Variants in FHIT observed in about 807,000 individuals in gnomAD.
FHIT encodes fragile histidine triad diadenosine triphosphatase, also known as bis(5'-adenosyl)-triphosphatase.
In FHIT, 19 loss-of-function variants were observed where a neutral mutation model predicts 17.9. The observed-to-expected ratio is 1.06, with a 90% CI of 0.74 to 1.56. The LOEUF (loss-of-function observed/expected upper bound fraction) is 1.56. Among genes scored for constraint, FHIT ranks in the 40% most tolerant of loss-of-function variants. The pLI is 0.00. For missense variants in FHIT, 248 were observed against 189.2 expected (o/e 1.31, Z -1.82); for synonymous variants, 81 against 69.7 (o/e 1.16, Z -0.81).
At chr3:60,992,426 G>T (rs982097118) in intron 3 of FHIT, among the ~76,000 whole-genome samples, 4 of 152,296 alleles carry the variant, frequency 2.6e-5, no homozygotes, top group African/African-American at 9.6e-5. Context: ...TATTTCAGGG[G>T]ATCAGAAAGT....
chr3:60,923,003 T>C (rs1006163112), intron 3 of FHIT, among the ~76,000 whole-genome samples: 1 of 152,214 alleles, frequency 6.6e-6, no homozygotes, highest in African/African-American at 2.4e-5. Flanking sequence ...GCAGTAAACA[T>C]CTTGCTTCAT....
At chr3:60,832,744 G>C (rs924493817) in intron 3 of FHIT, among the ~76,000 whole-genome samples, 7 of 150,072 alleles carry the variant, frequency 4.7e-5, no homozygotes, top group African/African-American at 1.7e-4. Context: ...TTTTCAATCT[G>C]GAAGAAATTC....
chr3:59,843,929 ACT>A (rs892531351), intron 8 of FHIT, among the ~76,000 whole-genome samples: 7 of 152,030 alleles, frequency 4.6e-5, no homozygotes, highest in Admixed American at 4.6e-4. Context: ...TGGAAGCAGA[ACT>A]CTAATGGCTT....
At chr3:61,112,306 T>C (rs1367919629) in intron 2 of FHIT, among the ~76,000 whole-genome samples, 1 of 151,458 alleles carries the variant, frequency 6.6e-6, no homozygotes, top group Non-Finnish European at 1.5e-5. Context: ...CCTGGGAATA[T>C]GGGTATAACT....
intron 4 of FHIT, among the ~76,000 whole-genome samples, chr3:60,556,378 G>A (rs1223399424): frequency 6.6e-6 from 1 of 152,188 alleles, no homozygotes; most frequent in Non-Finnish European, 1.5e-5. Flanking sequence ...TATAGTTAAC[G>A]AGGGAAGATG....
At chr3:60,211,279 C>T (rs1055673204) in intron 5 of FHIT, among the ~76,000 whole-genome samples, 1 of 151,714 alleles carries the variant, frequency 6.6e-6, no homozygotes, top group Non-Finnish European at 1.5e-5. Flanking sequence ...TATCCACATA[C>T]AAACACATAT....
chr3:59,857,705 GTTTTTT>G (rs78150569), intron 8 of FHIT, among the ~76,000 whole-genome samples: 22 of 115,436 alleles, frequency 1.9e-4, no homozygotes, highest in Non-Finnish European at 3.1e-4. Context: ...AAAGTGCTGG[GTTTTTT>G]TTTTTTTTTT....
chr3:60,988,135 T>C (rs2029871790), intron 3 of FHIT, among the ~76,000 whole-genome samples: 3 of 152,318 alleles, frequency 2.0e-5, no homozygotes, highest in South Asian at 4.1e-4. Flanking sequence ...TTGGTTGAGA[T>C]GCTATTAAAT....
chr3:59,928,727 C>T (rs972228343), intron 7 of FHIT, among the ~76,000 whole-genome samples: 8 of 152,062 alleles, frequency 5.3e-5, no homozygotes, highest in African/African-American at 1.7e-4. Flanking sequence ...CCGGGTGCGG[C>T]GGCTCACGCC....
chr3:59,847,013 G>C (rs1056726573), intron 8 of FHIT, among the ~76,000 whole-genome samples: 33 of 151,956 alleles, frequency 2.2e-4, no homozygotes, highest in African/African-American at 7.7e-4. Flanking sequence ...TTCTCTCTTT[G>C]TCTCTGACTT....
intron 5 of FHIT, among the ~76,000 whole-genome samples, chr3:60,318,712 T>C (rs1487212654): frequency 6.6e-6 from 1 of 152,216 alleles, no homozygotes; most frequent in Non-Finnish European, 1.5e-5. Context: ...AGTTTCTGAC[T>C]CTCTGCATTC....
At chr3:60,632,206 C>T (rs1004986345) in intron 4 of FHIT, among the ~76,000 whole-genome samples, 2 of 152,018 alleles carry the variant, frequency 1.3e-5, no homozygotes, top group Admixed American at 6.6e-5. Flanking sequence ...ATTGGTTCCT[C>T]TAAGAGTGGT....
At chr3:60,032,578 G>A (rs1016921698) in intron 5 of FHIT, among the ~76,000 whole-genome samples, 10 of 152,296 alleles carry the variant, frequency 6.6e-5, no homozygotes, top group Admixed American at 1.3e-4. Context: ...AAAGTGTGAC[G>A]GGAAACTTTA....
At chr3:59,804,554 C>T (rs903848021) in intron 8 of FHIT, among the ~76,000 whole-genome samples, 5 of 152,168 alleles carry the variant, frequency 3.3e-5, no homozygotes, top group African/African-American at 9.7e-5. Flanking sequence ...TCAAGGGCCC[C>T]GTTACAGAAT....
intron 4 of FHIT, among the ~76,000 whole-genome samples, chr3:60,677,547 A>G (rs2040650561): frequency 6.6e-6 from 1 of 152,194 alleles, no homozygotes; most frequent in South Asian, 2.1e-4. Context: ...ACACATATAC[A>G]TAAATAAAAT....
intron 7 of FHIT, among the ~76,000 whole-genome samples, chr3:59,934,145 C>T (rs1203821866): frequency 6.6e-6 from 1 of 152,124 alleles, no homozygotes; most frequent in African/African-American, 2.4e-5. Context: ...CACCATATGC[C>T]AGGAACTGAG....
chr3:60,018,887 G>T (rs940449439), intron 5 of FHIT, among the ~76,000 whole-genome samples: 1 of 152,338 alleles, frequency 6.6e-6, no homozygotes, highest in South Asian at 2.1e-4. Flanking sequence ...GGCAGAGACA[G>T]AAGAATCCCT....
intron 5 of FHIT, among the ~76,000 whole-genome samples, chr3:60,075,700 T>G (rs1030977204): frequency 1.3e-5 from 2 of 152,044 alleles, no homozygotes; most frequent in Non-Finnish European, 2.9e-5. Context: ...TTGTTTACCA[T>G]GGACAGCCTT....
intron 2 of FHIT, among the ~76,000 whole-genome samples, chr3:61,129,271 T>A (rs2036698236): frequency 6.6e-6 from 1 of 152,212 alleles, no homozygotes; most frequent in Admixed American, 6.5e-5. Context: ...AAGGTTGAAA[T>A]CATCCTAATT....
Sources: allele counts gnomAD v4.1 joint callset (sites outside exome capture counted in the v4.1 genomes callset), GRCh38; gene constraint gnomAD v4.1.1; transcripts MANE v1.5; gene names NCBI Gene and HGNC (gene_info 2026-07-23, HGNC 2026-07-21).